Variants in PRDM11 observed in about 807,000 individuals in gnomAD.
PRDM11 encodes the protein PR domain-containing protein 11.
PRDM11 carries 20 observed loss-of-function variants against 97.8 expected under a neutral mutation model. The ratio of observed to expected loss-of-function variants is 0.20; its 90% CI spans 0.14 to 0.30. PRDM11 has a LOEUF of 0.30. PRDM11 is among the 10% of genes least tolerant of loss of function. The pLI, the probability that PRDM11 is intolerant of heterozygous loss-of-function variation, is 1.00. For synonymous variants in PRDM11, 599 were observed against 637.7 expected (o/e 0.94, Z 0.91); for missense variants, 1,139 against 1,555.2 (o/e 0.73, Z 4.50).
At chr11:45,178,759 C>T (rs1003045965) in intron 1 of PRDM11, among the ~76,000 whole-genome samples, 3 of 152,240 alleles carry the variant, frequency 2.0e-5, no homozygotes, top group Non-Finnish European at 4.4e-5. Context: ...GGTGCCAGTC[C>T]TGCAAGCGTA....
intron 1 of PRDM11, among the ~76,000 whole-genome samples, chr11:45,150,522 C>G (rs1851634397): frequency 6.6e-6 from 1 of 152,164 alleles, no homozygotes; most frequent in East Asian, 1.9e-4. Context: ...CACCACTTCC[C>G]TGAGCTGCGG....
chr11:45,104,564 G>A (rs554500550), intron 1 of PRDM11, among the ~76,000 whole-genome samples: 1 of 152,244 alleles, frequency 6.6e-6, no homozygotes, highest in East Asian at 1.9e-4. Flanking sequence ...GGAAACTGAG[G>A]CACAGACACT....
At chr11:45,154,178 G>A (rs750707330) in intron 1 of PRDM11, among the ~76,000 whole-genome samples, 23 of 152,074 alleles carry the variant, frequency 1.5e-4, no homozygotes, top group Non-Finnish European at 2.9e-4. Context: ...AACATAGTGA[G>A]ACCCTGTATT....
intron 1 of PRDM11, among the ~76,000 whole-genome samples, chr11:45,127,933 GC>G (rs1852617641): frequency 6.6e-6 from 1 of 152,186 alleles, no homozygotes; most frequent in Admixed American, 6.5e-5. Context: ...TTTTGTCTTT[GC>G]CCTGCCCCCA....
Position 45,183,066 on chromosome 11 carries a change from C to T in PRDM11, c.429C>T (p.Gly143=). ...TCATCCCCAAGGGCCACATCTTCGG[C>T]CCCTATGAGGGGCAGATCTCCACCC... The part of the protein sequence containing the change: ...NEVIPKGHIF[G]PYEGQISTQD... Residue 143 remains glycine, a synonymous_variant, in exon 4 of 8, where the codon GGC becomes GGT. Coordinates refer to ENST00000683152, the MANE Select transcript of PRDM11 (RefSeq NM_001384648.1). 6.2e-7 allele frequency: 1 copy of T among 1,613,948 alleles called. No homozygotes were observed. Among genetic ancestry groups the T allele is most frequent in the African/African-American group, 1.3e-5 (1 of 74,996 alleles).
chr11:45,127,786 G>A (rs1490706910), intron 1 of PRDM11, among the ~76,000 whole-genome samples: 2 of 152,234 alleles, frequency 1.3e-5, no homozygotes, highest in Admixed American at 6.5e-5. Context: ...TCCCAGTTAG[G>A]CTGCTCAGGG....
Position 45,202,421 on chromosome 11 carries a change from C to T in PRDM11, c.487-2290C>T, listed in dbSNP as rs182202048. On this transcript the variant is annotated intron_variant, in intron 4 of 7. Transcript: ENST00000683152. ...ATGAGGTATGGCCAGGAAGAACTTC[C>T]TTTAGGGTCAAGGCTAGGAGAGGCT... Among the ~76,000 whole-genome samples the T allele has an allele frequency of 2.0e-5, 3 of 152,306 alleles. No homozygotes were observed. The East Asian group carries it at 5.8e-4, about 29-fold the overall frequency.
intron 1 of PRDM11, among the ~76,000 whole-genome samples, chr11:45,118,075 T>A (rs73464540): frequency 0.025 from 3,851 of 151,346 alleles, 173 homozygotes; most frequent in African/African-American, 0.089. Context: ...TCCTACAAAA[T>A]GCCTGGCCAG....
intron 1 of PRDM11, among the ~76,000 whole-genome samples, chr11:45,106,777 G>A (rs1191834967): frequency 2.0e-5 from 3 of 152,212 alleles, no homozygotes; most frequent in Non-Finnish European, 4.4e-5. Flanking sequence ...GGATGTCGCA[G>A]GAGAGCAAGG....
At chr11:45,129,466 T>G (rs914856776) in intron 1 of PRDM11, among the ~76,000 whole-genome samples, 9 of 152,162 alleles carry the variant, frequency 5.9e-5, no homozygotes, top group African/African-American at 2.2e-4. Context: ...CAAGGTGACT[T>G]TTCAGAAATC....
intron 6 of PRDM11, among the ~76,000 whole-genome samples, chr11:45,221,678 A>G (rs1854124712): frequency 6.6e-6 from 1 of 152,118 alleles, no homozygotes; most frequent in African/African-American, 2.4e-5. Flanking sequence ...CAGACTTGAA[A>G]GGAGATACAC....
intron 1 of PRDM11, among the ~76,000 whole-genome samples, chr11:45,176,732 T>A (rs935294332): frequency 2.0e-5 from 3 of 152,266 alleles, no homozygotes; most frequent in African/African-American, 4.8e-5. Flanking sequence ...GTCTTATACA[T>A]GTAAGTTTAA....
intron 1 of PRDM11, among the ~76,000 whole-genome samples, chr11:45,099,719 C>T (rs1329369485): frequency 6.6e-6 from 1 of 152,110 alleles, no homozygotes; most frequent in African/African-American, 2.4e-5. Flanking sequence ...ATAAACAATC[C>T]AATTACAGTG....
chr11:45,165,097 A>G (rs1285815999), intron 1 of PRDM11, among the ~76,000 whole-genome samples: 1 of 152,168 alleles, frequency 6.6e-6, no homozygotes, highest in African/African-American at 2.4e-5. Flanking sequence ...TCCAGATCGC[A>G]TAGTTAGTAA....
chr11:45,181,993 C>A (rs1032826513), intron 2 of PRDM11, 108 bp downstream of exon 2: 2 of 1,037,972 alleles, frequency 1.9e-6, no homozygotes, highest in Admixed American at 2.5e-5. Context: ...CCCACCTTCC[C>A]TAACCCTGCT....
chr11:45,179,868 C>T (rs982016564), intron 1 of PRDM11, among the ~76,000 whole-genome samples: 2 of 152,230 alleles, frequency 1.3e-5, no homozygotes, highest in Non-Finnish European at 2.9e-5. Context: ...CACTGAGGCT[C>T]CACCCCAGGA....
Position 45,231,778 on chromosome 11 carries a change from A to G in PRDM11, c.*3619A>G, listed in dbSNP as rs1854403546. 6.6e-6 allele frequency: 1 copy of G among 151,962 alleles called. No homozygotes were observed. The highest frequency in any genetic ancestry group is 2.4e-5 in the African/African-American group (1 of 41,350). 9.4% of individuals were successfully genotyped at this position (151,962 alleles called of 1,614,324 possible). ...CGCAGTCAAGTCTGTAACTCTTGCC[A>G]TGTCAGAATCCCCAAGTTTTGCCTG... On this transcript the variant is annotated 3_prime_UTR_variant, in exon 8 of 8. Coordinates refer to ENST00000683152, the MANE Select transcript of PRDM11 (RefSeq NM_001384648.1).
chr11:45,181,065 C>A (rs2135733956), intron 1 of PRDM11, among the ~76,000 whole-genome samples: 1 of 152,328 alleles, frequency 6.6e-6, no homozygotes. Context: ...GTCCCAGCCC[C>A]AGGCTGCGTG....
rs915825188 is a variant in PRDM11, at chr11:45,108,642, G to A, written c.96+12741G>A. Among the ~76,000 whole-genome samples, 3 of 152,160 alleles carry A rather than the reference G, an allele frequency of 2.0e-5. No individual in the cohort carries two copies. In the South Asian group the frequency reaches 6.2e-4, roughly 32 times the overall value. On this transcript the variant is annotated intron_variant, in intron 1 of 6. Coordinates refer to the PRDM11 transcript ENST00000530656. Reference sequence around the variant, plus strand: ...CCTCACTCCCGAGTGAGGACGAGCTGCCTCCTTTCAGGGAATGTGGTGCCC... The same window carrying A: ...CCTCACTCCCGAGTGAGGACGAGCTACCTCCTTTCAGGGAATGTGGTGCCC...
Sources: allele counts gnomAD v4.1 joint callset (sites outside exome capture counted in the v4.1 genomes callset), GRCh38; gene constraint gnomAD v4.1.1; transcripts MANE v1.5; gene names NCBI Gene and HGNC (gene_info 2026-07-23, HGNC 2026-07-21).